TEX9: variants seen among roughly 807,000 people sequenced by gnomAD.
The protein encoded by TEX9 is testis expressed 9.
Under a neutral mutation model 59.6 loss-of-function variants are expected in TEX9, and 74 were observed. The ratio of observed to expected loss-of-function variants is 1.24; its 90% CI spans 1.03 to 1.51. TEX9 has a LOEUF of 1.51. Among genes scored for constraint, TEX9 ranks in the 40% most tolerant of loss-of-function variants. The pLI is 0.00. For missense variants in TEX9, 522 were observed against 447.8 expected (o/e 1.17, Z -1.49); for synonymous variants, 186 against 152.2 (o/e 1.22, Z -1.64).
chr15:56,460,009 A>AAAATATATATATATATAT, the TEX9 span, among the ~76,000 whole-genome samples: 1 of 26,406 alleles, frequency 3.8e-5, no homozygotes, highest in African/African-American at 1.5e-4. Flanking sequence ...AAAAAAAAAA[A>AAAATATATATATATATAT]ATACATATAT....
chr15:56,394,287 AG>A (rs764385158), intron 8 of TEX9, 40 bp downstream of exon 8: 1 of 1,482,686 alleles, frequency 6.7e-7, no homozygotes, highest in Admixed American at 2.1e-5. Flanking sequence ...TAATATTCAA[AG>A]ATATTTTAGG....
intron 1 of TEX9, among the ~76,000 whole-genome samples, chr15:56,321,762 G>C (rs2045909519): frequency 6.6e-6 from 1 of 152,122 alleles, no homozygotes; most frequent in African/African-American, 2.4e-5. Context: ...TTTCAGTCAT[G>C]CTTAATTAAT....
chr15:56,306,392 TGTG>T, intron 1 of TEX9, among the ~76,000 whole-genome samples: 1 of 150,816 alleles, frequency 6.6e-6, no homozygotes, highest in East Asian at 1.9e-4. Context: ...ATAAAGAAAA[TGTG>T]GTACCTATAC....
At chr15:56,383,327 T>G (rs1488386517) in intron 3 of TEX9, among the ~76,000 whole-genome samples, 4 of 152,240 alleles carry the variant, frequency 2.6e-5, no homozygotes, top group Non-Finnish European at 5.9e-5. Context: ...CAATGCCTCT[T>G]TCAATGATAT....
intron 1 of TEX9, among the ~76,000 whole-genome samples, chr15:56,318,108 T>A (rs1331277795): frequency 2.0e-5 from 3 of 152,174 alleles, no homozygotes; most frequent in African/African-American, 7.2e-5. Context: ...AATTGTCTTA[T>A]TTCTCCTTCA....
chr15:56,458,880 T>C, the TEX9 span, among the ~76,000 whole-genome samples: 7 of 152,350 alleles, frequency 4.6e-5, no homozygotes, highest in South Asian at 8.3e-4. Context: ...CTTCTAAATT[T>C]TGACATTTAT....
chr15:56,452,366 G>A, the TEX9 span, among the ~76,000 whole-genome samples: 4 of 152,118 alleles, frequency 2.6e-5, no homozygotes, highest in African/African-American at 9.7e-5. Context: ...TGAAATGCCT[G>A]GCAGACAACA....
rs563153030 is a variant in TEX9 at position 56,350,837 on chromosome 15, T to C, written c.-106-22604T>C. 1.1e-4 allele frequency among the ~76,000 whole-genome samples: 16 copies of C among 152,332 alleles called. No individual in the cohort carries two copies. The East Asian group carries it at 1.2e-3, about 11-fold the overall frequency. ...TTAAATAATTTACTTTAGAAGATAA[T>C]TGATTAACTGAGAGGTAGCTGAAGC... On this transcript the variant is annotated intron_variant, in intron 1 of 5. Coordinates refer to the TEX9 transcript ENST00000560827.
chr15:56,327,594 T>C (rs1380017887), intron 1 of TEX9, among the ~76,000 whole-genome samples: 4 of 152,132 alleles, frequency 2.6e-5, no homozygotes, highest in Non-Finnish European at 5.9e-5. Flanking sequence ...AAAGAAGCAC[T>C]GAAGAGGGTA....
At chr15:56,427,101 T>C (rs1383465552) in intron 10 of TEX9, among the ~76,000 whole-genome samples, 2 of 152,120 alleles carry the variant, frequency 1.3e-5, no homozygotes, top group African/African-American at 2.4e-5. Context: ...CTCAGTCCAA[T>C]AAGACTACTA....
chr15:56,248,181 A>G (rs2043909322), intron 1 of TEX9, among the ~76,000 whole-genome samples: 1 of 152,234 alleles, frequency 6.6e-6, no homozygotes, highest in Non-Finnish European at 1.5e-5. Context: ...GGAGAAAAAT[A>G]AAAGCAGCAG....
chr15:56,329,471 G>A (rs2141754454), intron 1 of TEX9, among the ~76,000 whole-genome samples: 1 of 152,270 alleles, frequency 6.6e-6, no homozygotes, highest in South Asian at 2.1e-4. Flanking sequence ...AAATCGTGTG[G>A]AAACAGAGAT....
At position 56,398,951 on chromosome 15, in the gene TEX9, G is replaced by A. The variant is rs547630668; in HGVS notation, c.828+4117G>A. Among the ~76,000 whole-genome samples the A allele has an allele frequency of 2.9e-4, 44 of 152,286 alleles. No homozygotes were observed. The Middle Eastern group carries it at 0.02, about 71-fold the overall frequency. ...GATCGAGACCATCCTGGCTAACATG[G>A]TGAAACCCTGTCTCTACTAAAAATA... On this transcript the variant is annotated intron_variant, in intron 9 of 12. Transcript: ENST00000352903.
At chr15:56,348,553 G>C (rs117170423) in intron 1 of TEX9, among the ~76,000 whole-genome samples, 2 of 152,216 alleles carry the variant, frequency 1.3e-5, no homozygotes, top group Non-Finnish European at 2.9e-5. Context: ...CAGTACTTTA[G>C]AGATGTTCCA....
In TEX9 at chr15:56,271,865, G is replaced by T. The variant is rs954294717; in HGVS notation, c.-107+27587G>T. On this transcript the variant is annotated intron_variant, in intron 1 of 5. Transcript: ENST00000560827. The stretch of plus-strand genomic sequence containing the variant: ...TTTAAAAATGTACAATTTAGGCTGG[G>T]CACGGTGGCTCACGCCTGTAATCCC... 2.0e-5 allele frequency among the ~76,000 whole-genome samples: 3 copies of T among 152,280 alleles called. No individual in the cohort carries two copies. In the East Asian group the frequency reaches 5.8e-4, roughly 29 times the overall value.
intron 1 of TEX9, among the ~76,000 whole-genome samples, chr15:56,347,253 CA>C (rs1392073705): frequency 6.6e-6 from 1 of 151,864 alleles, no homozygotes; most frequent in Non-Finnish European, 1.5e-5. Flanking sequence ...AATGAAAATC[CA>C]GGGGAACTAA....
chr15:56,265,199 G>A (rs2044352702), intron 1 of TEX9, among the ~76,000 whole-genome samples: 1 of 149,162 alleles, frequency 6.7e-6, no homozygotes, highest in African/African-American at 2.5e-5. Flanking sequence ...TCACTGTGGA[G>A]TGTAGTGGTA....
chr15:56,412,175 T>G, intron 9 of TEX9, 127 bp from the exon 10 acceptor site: 1 of 377,792 alleles, frequency 2.6e-6, no homozygotes, highest in Non-Finnish European at 4.3e-6. Context: ...CCCCCAAGCG[T>G]GTGTGTGTGT....
At chr15:56,337,903 C>G (rs537849182) in intron 1 of TEX9, among the ~76,000 whole-genome samples, 37 of 152,266 alleles carry the variant, frequency 2.4e-4, no homozygotes, top group African/African-American at 8.7e-4. Context: ...CTTAAATAAA[C>G]TCTTTAAAAC....
Sources: gnomAD v4.1 joint callset for allele counts (sites outside exome capture counted in the v4.1 genomes callset) on GRCh38, gnomAD v4.1.1 for gene constraint, MANE v1.5 for transcripts, NCBI Gene and HGNC (gene_info 2026-07-23, HGNC 2026-07-21) for gene names.